The following TLN2 variants were observed in gnomAD, a reference collection of about 807,000 sequenced individuals.
TLN2 encodes the protein talin 2.
A neutral mutation model predicts 294.7 loss-of-function variants in TLN2; 118 were observed. The ratio of observed to expected loss-of-function variants is 0.40; its 90% confidence interval spans 0.34 to 0.47. The LOEUF (loss-of-function observed/expected upper bound fraction) is 0.47, where lower values mean the gene tolerates loss of function less well. TLN2 is among the 20% of genes least tolerant of loss of function. The pLI is 0.84. For synonymous variants in TLN2, 1,431 were observed against 1,304.5 expected (o/e 1.10, Z -2.09); for missense variants, 3,083 against 3,282.2 (o/e 0.94, Z 1.48).
chr15:62,506,568 C>G (rs2039632537), intron 1 of TLN2, among the ~76,000 whole-genome samples: 1 of 152,184 alleles, frequency 6.6e-6, no homozygotes, highest in South Asian at 2.1e-4. Context: ...GTTTCTGGAG[C>G]ATTCCCAACA....
chr15:62,592,591 C>CTT (rs2046166932), intron 2 of TLN2, among the ~76,000 whole-genome samples: 1 of 152,186 alleles, frequency 6.6e-6, no homozygotes, highest in South Asian at 2.1e-4. Flanking sequence ...CTAGGAGGAG[C>CTT]TTTTATTTTG....
chr15:62,481,221 C>CTTTTTTT (rs61704039), intron 1 of TLN2, among the ~76,000 whole-genome samples: 2 of 149,522 alleles, frequency 1.3e-5, no homozygotes, highest in African/African-American at 2.5e-5. Flanking sequence ...GTTCTTTTTT[C>CTTTTTTT]TTTTTTTTTT....
intron 1 of TLN2, among the ~76,000 whole-genome samples, chr15:62,483,767 T>G (rs1010393747): frequency 2.0e-5 from 3 of 152,288 alleles, no homozygotes; most frequent in Admixed American, 2.0e-4. Flanking sequence ...CCCCCAGATG[T>G]TTTGTTCAAT....
intron 37 of TLN2, among the ~76,000 whole-genome samples, chr15:62,761,375 G>C (rs934542786): frequency 2.0e-5 from 3 of 152,264 alleles, no homozygotes; most frequent in East Asian, 3.9e-4. Flanking sequence ...CTGGTGCAGG[G>C]GGTCACGGGG....
chr15:62,406,997 A>G (rs1049837415), intron 1 of TLN2, among the ~76,000 whole-genome samples: 9 of 152,156 alleles, frequency 5.9e-5, no homozygotes, highest in South Asian at 2.1e-4. Flanking sequence ...TGTAACACAA[A>G]TTGTCAGACT....
chr15:62,666,903 G>A (rs1277212029), intron 9 of TLN2, among the ~76,000 whole-genome samples: 5 of 152,208 alleles, frequency 3.3e-5, no homozygotes, highest in African/African-American at 4.8e-5. Flanking sequence ...ACAAGATGCC[G>A]GGCCTCACCC....
At chr15:62,401,860 C>T (rs1217522563) in intron 1 of TLN2, among the ~76,000 whole-genome samples, 1 of 152,142 alleles carries the variant, frequency 6.6e-6, no homozygotes, top group Non-Finnish European at 1.5e-5. Context: ...ATCTCTAGAC[C>T]ACTGATTCTA....
In TLN2 at chr15:62,719,893, T is replaced by C. The variant is rs1443749244; in HGVS notation, c.2991+13T>C. On this transcript the variant is annotated intron_variant, in intron 25 of 58. Transcript: ENST00000636159. Reference sequence around the variant, plus strand: ...GAACTTCCTCCAGGTAACAGGGCTGTGGTCACCTTGGGCTCACTCAGAGCC... The same window carrying C: ...GAACTTCCTCCAGGTAACAGGGCTGCGGTCACCTTGGGCTCACTCAGAGCC... 5 of 1,593,506 alleles carry C rather than the reference T, an allele frequency of 3.1e-6. No individual in the cohort carries two copies. Among genetic ancestry groups the C allele is most frequent in the Non-Finnish European group, 4.3e-6 (5 of 1,169,112 alleles).
In TLN2 at chr15:62,843,604, A is replaced by G. The variant is rs1395659281; in HGVS notation, c.*2994A>G. On this transcript the variant is annotated 3_prime_UTR_variant, in exon 59 of 59. Coordinates refer to ENST00000636159, the MANE Select transcript of TLN2 (RefSeq NM_015059.3). ...CACGGCATATGCTTTTATCAGGGAA[A>G]ACCCTTCGAGCTTCTTCTGATTCTC... 1.3e-5 allele frequency: 2 copies of G among 152,298 alleles called. No individual in the cohort carries two copies. The highest frequency in any genetic ancestry group is 2.9e-5 in the Non-Finnish European group (2 of 68,100). 9.4% of individuals were successfully genotyped at this position (152,298 alleles called of 1,614,324 possible).
At chr15:62,391,083 CAT>C (rs2032037269) in intron 1 of TLN2, among the ~76,000 whole-genome samples, 1 of 152,212 alleles carries the variant, frequency 6.6e-6, no homozygotes, top group South Asian at 2.1e-4. Flanking sequence ...GCCCCGCCTG[CAT>C]AGAGTGTCCC....
At chr15:62,769,280 T>C (rs2063205277) in intron 41 of TLN2, among the ~76,000 whole-genome samples, 1 of 152,242 alleles carries the variant, frequency 6.6e-6, no homozygotes, top group African/African-American at 2.4e-5. Context: ...CCTTTGGTGG[T>C]GACACCAGTG....
chr15:62,639,259 A>G (rs1422220377), intron 3 of TLN2, among the ~76,000 whole-genome samples: 1 of 151,754 alleles, frequency 6.6e-6, no homozygotes, highest in Non-Finnish European at 1.5e-5. Context: ...ATCTATATCT[A>G]TGTGTATATC....
intron 54 of TLN2, chr15:62,829,099 A>T: frequency 6.7e-6 from 1 of 149,150 alleles, no homozygotes; most frequent in East Asian, 2.0e-4. Context: ...TTATTTATTT[A>T]TTTTTCTTTA....
chr15:62,517,011 C>T (rs1047607244), intron 1 of TLN2, among the ~76,000 whole-genome samples: 5 of 152,150 alleles, frequency 3.3e-5, no homozygotes, highest in African/African-American at 4.8e-5. Flanking sequence ...ATTGCTGCTC[C>T]GTCACCATGT....
At chr15:62,551,047 G>C (rs2042268565) in intron 1 of TLN2, among the ~76,000 whole-genome samples, 1 of 152,178 alleles carries the variant, frequency 6.6e-6, no homozygotes, top group Non-Finnish European at 1.5e-5. Flanking sequence ...GACAGTGACA[G>C]ATCATCAGGC....
rs1596481183 is a variant in TLN2 at position 62,646,988 on chromosome 15, A to G, written c.-36-287A>G. Among the ~76,000 whole-genome samples, 3 of 152,252 alleles carry G rather than the reference A, an allele frequency of 2.0e-5. No homozygotes were observed. In the South Asian group the frequency reaches 6.2e-4, roughly 32 times the overall value. On this transcript the variant is annotated intron_variant, in intron 3 of 58. Transcript: ENST00000636159. ...CTCAGAAACCCCAAGGAGGGGGACT[A>G]CTCAGAGGGAGGTGTGGTGAACATC...
In TLN2 at chr15:62,433,627, GT is replaced by G. The variant is rs202237778; in HGVS notation, c.-238+42949del. Among the ~76,000 whole-genome samples, 102 of 152,144 alleles carry G rather than the reference GT, an allele frequency of 6.7e-4. 1 individual carries two copies. In the East Asian group the frequency reaches 0.019, roughly 29 times the overall value. On this transcript the variant is annotated intron_variant, in intron 1 of 58. Coordinates refer to ENST00000636159, the MANE Select transcript of TLN2 (RefSeq NM_015059.3). ...TTTGAGTCAAGGTTGTCACTCACTG[GT>G]TTTTTTCCCCCAGATGGCCTTTGTA...
intron 1 of TLN2, among the ~76,000 whole-genome samples, chr15:62,447,552 T>TG (rs2035887830): frequency 6.6e-6 from 1 of 150,568 alleles, no homozygotes; most frequent in Admixed American, 6.7e-5. Context: ...TGGAGTGCAA[T>TG]GGCGCGATCT....
intron 3 of TLN2, among the ~76,000 whole-genome samples, chr15:62,646,765 GC>G (rs1243951081): frequency 6.6e-6 from 1 of 152,186 alleles, no homozygotes; most frequent in Non-Finnish European, 1.5e-5. Flanking sequence ...ATGGAGCTGG[GC>G]CCAGAATCCA....
Sources: gnomAD v4.1 joint callset for allele counts (sites outside exome capture counted in the v4.1 genomes callset) on GRCh38, gnomAD v4.1.1 for gene constraint, MANE v1.5 for transcripts, NCBI Gene and HGNC (gene_info 2026-07-23, HGNC 2026-07-21) for gene names.